The following COP1 variants were observed in gnomAD, a reference collection of about 807,000 sequenced individuals.
COP1 encodes E3 ubiquitin-protein ligase COP1.
A neutral mutation model predicts 101.3 loss-of-function variants in COP1; 24 were observed. The ratio of observed to expected loss-of-function variants is 0.24; its 90% CI spans 0.17 to 0.33. The LOEUF (loss-of-function observed/expected upper bound fraction) is 0.33, where lower values mean the gene tolerates loss of function less well. COP1 is among the 10% of genes least tolerant of loss of function. The pLI is 1.00. For missense variants in COP1, 663 were observed against 906.2 expected (o/e 0.73, Z 3.45); for synonymous variants, 347 against 341.9 (o/e 1.01, Z -0.17).
At chr1:176,193,660 T>C (rs1178036695) in intron 1 of COP1, among the ~76,000 whole-genome samples, 1 of 152,132 alleles carries the variant, frequency 6.6e-6, no homozygotes, top group Non-Finnish European at 1.5e-5. Context: ...TGTCACAACA[T>C]GGATGAGCCT....
At chr1:175,975,410 CTT>C (rs1309155283) in intron 18 of COP1, among the ~76,000 whole-genome samples, 1 of 151,996 alleles carries the variant, frequency 6.6e-6, no homozygotes, top group Admixed American at 6.6e-5. Flanking sequence ...AAAAATGATC[CTT>C]TTCTCTTTTT....
At chr1:175,980,160 G>A (rs1655468799) in intron 18 of COP1, among the ~76,000 whole-genome samples, 1 of 152,036 alleles carries the variant, frequency 6.6e-6, no homozygotes, top group Admixed American at 6.6e-5. Flanking sequence ...ATTCAGCAAG[G>A]TCACACAGCT....
intron 9 of COP1, among the ~76,000 whole-genome samples, chr1:176,105,088 ATAT>A (rs1428128356): frequency 6.6e-6 from 1 of 152,202 alleles, no homozygotes; most frequent in East Asian, 1.9e-4. Context: ...GAAAATGTGC[ATAT>A]GTATCTGTAA....
chr1:176,087,872 T>C (rs1472970514), intron 9 of COP1, among the ~76,000 whole-genome samples: 2 of 152,120 alleles, frequency 1.3e-5, no homozygotes, highest in African/African-American at 2.4e-5. Context: ...CCATCAATGA[T>C]AGACTGGATT....
intron 18 of COP1, among the ~76,000 whole-genome samples, chr1:175,952,999 GTTTT>G (rs1650143170): frequency 6.6e-6 from 1 of 152,088 alleles, no homozygotes; most frequent in Non-Finnish European, 1.5e-5. Context: ...TTGTTTTTAA[GTTTT>G]TTTAAAAGAT....
At chr1:176,068,924 A>G (rs1222486330) in intron 11 of COP1, among the ~76,000 whole-genome samples, 8 of 152,206 alleles carry the variant, frequency 5.3e-5, no homozygotes, top group African/African-American at 1.7e-4. Flanking sequence ...AGGAATTACA[A>G]AACTGTAATC....
rs138967522 is a variant in COP1, at chr1:176,188,777, C to T, written c.408-4085G>A. Among the ~76,000 whole-genome samples the T allele has an allele frequency of 2.0e-3, 305 of 152,038 alleles. 2 individuals are homozygous for T. Among genetic ancestry groups the T allele is most frequent in the African/African-American group, 7.0e-3 (290 of 41,470 alleles). On this transcript the variant is annotated intron_variant, in intron 1 of 19. Transcript: ENST00000367669. Reference sequence around the variant, plus strand: ...CTCCTCCACCAACCTGCTATTTCCCCCCTCTCTTCCTCTCCTCAGGCCACT... The same window carrying T: ...CTCCTCCACCAACCTGCTATTTCCCTCCTCTCTTCCTCTCCTCAGGCCACT...
chr1:175,960,809 T>C (rs1651247379), intron 18 of COP1, among the ~76,000 whole-genome samples: 2 of 152,180 alleles, frequency 1.3e-5, no homozygotes, highest in African/African-American at 4.8e-5. Flanking sequence ...TGGGTAATTT[T>C]AGGTTTCAAC....
chr1:175,969,327 C>T (rs1391341398), intron 18 of COP1, among the ~76,000 whole-genome samples: 2 of 152,116 alleles, frequency 1.3e-5, no homozygotes, highest in East Asian at 1.9e-4. Flanking sequence ...GAAAAAACAG[C>T]AGAAGCAGGA....
intron 5 of COP1, among the ~76,000 whole-genome samples, chr1:176,149,607 A>G (rs1025234749): frequency 2.0e-5 from 3 of 152,146 alleles, no homozygotes; most frequent in Non-Finnish European, 4.4e-5. Context: ...AAACAACTGA[A>G]AACAAAAAAA....
In COP1 at chr1:176,199,894, T is replaced by C. The variant is rs148030901; in HGVS notation, c.407+6678A>G. ...CAAAACTCATTCAACTACACACTTATGACCAGTGACTTATTTTATGCAAAT... is the reference window on the plus strand; with the variant it reads ...CAAAACTCATTCAACTACACACTTACGACCAGTGACTTATTTTATGCAAAT... On this transcript the variant is annotated intron_variant, in intron 1 of 19. Transcript: ENST00000367669. Among the ~76,000 whole-genome samples, 256 of 152,344 alleles carry C rather than the reference T, an allele frequency of 1.7e-3. 1 individual carries two copies. Among genetic ancestry groups the C allele is most frequent in the African/African-American group, 5.9e-3 (246 of 41,568 alleles).
rs137958168 is a variant in COP1 at position 175,957,888 on chromosome 1, G to A, written c.2134-10649C>T. Among the ~76,000 whole-genome samples, 400 of 152,222 alleles carry A rather than the reference G, an allele frequency of 2.6e-3. 3 individuals carry two copies. The highest frequency in any genetic ancestry group is 9.2e-3 in the African/African-American group (382 of 41,542). Reference sequence around the variant, plus strand: ...CAGGCAATAACACAAGCATTTCAAAGTATCATGCTAAATAAAAGGAGCCAG... The same window carrying A: ...CAGGCAATAACACAAGCATTTCAAAATATCATGCTAAATAAAAGGAGCCAG... On this transcript the variant is annotated intron_variant, in intron 18 of 19. Coordinates refer to ENST00000367669, the MANE Select transcript of COP1 (RefSeq NM_022457.7).
chr1:176,158,913 T>A (rs190365754), intron 5 of COP1, among the ~76,000 whole-genome samples: 70 of 152,282 alleles, frequency 4.6e-4, no homozygotes, highest in African/African-American at 1.5e-3. Context: ...AGTGCTAGGG[T>A]TACAGGCGTA....
At chr1:176,050,364 G>A (rs1290318236) in intron 11 of COP1, among the ~76,000 whole-genome samples, 1 of 152,192 alleles carries the variant, frequency 6.6e-6, no homozygotes, top group African/African-American at 2.4e-5. Flanking sequence ...CCGTCAATAA[G>A]CCCAAGCAGT....
At chr1:176,168,359 C>T (rs1299232357) in intron 3 of COP1, among the ~76,000 whole-genome samples, 1 of 136,178 alleles carries the variant, frequency 7.3e-6, no homozygotes, top group Non-Finnish European at 1.6e-5. Context: ...CCCTGACCTA[C>T]AAATTTTATA....
chr1:176,050,068 T>C (rs1332312515), intron 11 of COP1, among the ~76,000 whole-genome samples: 1 of 152,250 alleles, frequency 6.6e-6, no homozygotes, highest in African/African-American at 2.4e-5. Flanking sequence ...GCATGACAAA[T>C]TCAATTTCAC....
chr1:176,204,305 CAT>C (rs1259996091), intron 1 of COP1, among the ~76,000 whole-genome samples: 13 of 152,106 alleles, frequency 8.5e-5, no homozygotes, highest in Admixed American at 3.9e-4. Flanking sequence ...GAAGCATAAG[CAT>C]ATCTTTAAAA....
At chr1:176,098,548 C>A (rs963709775) in intron 9 of COP1, among the ~76,000 whole-genome samples, 2 of 152,146 alleles carry the variant, frequency 1.3e-5, no homozygotes, top group African/African-American at 4.8e-5. Context: ...AAAATAAATT[C>A]TCTGTGTTAA....
intron 8 of COP1, among the ~76,000 whole-genome samples, chr1:176,118,372 T>C (rs1379395793): frequency 1.3e-5 from 2 of 152,118 alleles, no homozygotes; most frequent in East Asian, 1.9e-4. Context: ...GCATAGTTAA[T>C]GGGTACAAAC....
Sources: allele counts gnomAD v4.1 joint callset (sites outside exome capture counted in the v4.1 genomes callset), GRCh38; gene constraint gnomAD v4.1.1; transcripts MANE v1.5; gene names NCBI Gene and HGNC (gene_info 2026-07-23, HGNC 2026-07-21).